The following THADA variants were observed in gnomAD, a reference collection of about 807,000 sequenced individuals.
THADA encodes THADA armadillo repeat containing, also known as tRNA (32-2'-O)-methyltransferase regulator THADA.
Under a neutral mutation model 219.8 loss-of-function variants are expected in THADA, and 213 were observed. The observed-to-expected ratio is 0.97, with a 90% CI of 0.87 to 1.09. The LOEUF (loss-of-function observed/expected upper bound fraction) is 1.09. Among genes scored for constraint, THADA ranks in the 50% least tolerant of loss-of-function variants. The probability of loss-of-function intolerance (pLI) is 0.00; values close to 1 mark genes in which losing one functional copy is unlikely to be tolerated. For missense variants in THADA, 2,956 were observed against 2,311.3 expected (o/e 1.28, Z -5.72); for synonymous variants, 1,018 against 828.9 (o/e 1.23, Z -3.92).
chr2:43,291,735 A>C lies in THADA; in HGVS notation c.4971T>G (p.Ala1657=). ...GCATGTGGTGGGAAATGACTTTGGA[A>C]GCAAGTCTCAGAGCTACACTCTGAA... is the stretch of plus-strand genomic sequence containing the variant. The part of the protein sequence containing the change: ...SEIQSVALRL[A]SKVISHHMQT... The change falls in exon 34 of 38, where the codon GCT becomes GCG. Residue 1657 remains alanine, a synonymous_variant. Transcript: ENST00000405975. 1 of 1,556,398 alleles carries C rather than the reference A, an allele frequency of 6.4e-7. No individual in the cohort carries two copies. Among genetic ancestry groups the C allele is most frequent in the Non-Finnish European group, 8.7e-7 (1 of 1,148,542 alleles).
intron 25 of THADA, among the ~76,000 whole-genome samples, chr2:43,495,165 T>G (rs1226443091): frequency 6.6e-6 from 1 of 152,226 alleles, no homozygotes; most frequent in Non-Finnish European, 1.5e-5. Context: ...TGTAAGTGAA[T>G]ACTTCTTCAC....
At chr2:43,260,330 A>AT (rs1185205909) in intron 36 of THADA, among the ~76,000 whole-genome samples, 2 of 152,058 alleles carry the variant, frequency 1.3e-5, no homozygotes, top group African/African-American at 2.4e-5. Flanking sequence ...GAGGATGAGC[A>AT]TTTTTTTCAT....
intron 35 of THADA, among the ~76,000 whole-genome samples, chr2:43,283,642 T>C: frequency 6.6e-6 from 1 of 152,184 alleles, no homozygotes; most frequent in East Asian, 1.9e-4. Context: ...TGTGGAACTT[T>C]GAACTTGAGA....
At chr2:43,314,560 A>G (rs1040334314) in intron 31 of THADA, among the ~76,000 whole-genome samples, 7 of 152,216 alleles carry the variant, frequency 4.6e-5, no homozygotes, top group Non-Finnish European at 1.0e-4. Flanking sequence ...GTATTTCTGT[A>G]AACAGAAATT....
At chr2:43,515,086 A>T (rs1231407368) in intron 22 of THADA, among the ~76,000 whole-genome samples, 1 of 8,180 alleles carries the variant, frequency 1.2e-4, no homozygotes, top group Non-Finnish European at 2.2e-4. Flanking sequence ...ATATATATAA[A>T]TATATATATT....
At chr2:43,377,990 G>A (rs922945380) in intron 29 of THADA, among the ~76,000 whole-genome samples, 1 of 152,138 alleles carries the variant, frequency 6.6e-6, no homozygotes, top group Non-Finnish European at 1.5e-5. Flanking sequence ...CTCAATTTGG[G>A]TTTGTATAGT....
intron 26 of THADA, among the ~76,000 whole-genome samples, chr2:43,479,765 T>G (rs2104992941): frequency 1.3e-5 from 2 of 149,350 alleles, no homozygotes; most frequent in Middle Eastern, 6.9e-3. Flanking sequence ...TGAGCCTTGC[T>G]CCTCTCCTCC....
chr2:43,345,970 A>C (rs1667585926), intron 29 of THADA, among the ~76,000 whole-genome samples: 1 of 152,202 alleles, frequency 6.6e-6, no homozygotes. Flanking sequence ...TGGTTTATGA[A>C]AATCAGCCTA....
chr2:43,255,245 T>C (rs964974742), intron 36 of THADA, among the ~76,000 whole-genome samples: 11 of 152,230 alleles, frequency 7.2e-5, no homozygotes, highest in Non-Finnish European at 1.6e-4. Flanking sequence ...TATATACACA[T>C]ATAAATATCC....
intron 36 of THADA, among the ~76,000 whole-genome samples, 153 bp downstream of exon 36, chr2:43,279,612 C>T (rs1228248624): frequency 6.6e-6 from 1 of 152,154 alleles, no homozygotes; most frequent in Admixed American, 6.6e-5. Context: ...ATTTGTTTAC[C>T]TACTGTTTGT....
At chr2:43,556,662 A>C in intron 16 of THADA, 107 bp from the exon 17 acceptor site, 2 of 1,033,082 alleles carry the variant, frequency 1.9e-6, no homozygotes, top group Non-Finnish European at 2.8e-6. Flanking sequence ...AGTGGGCTCG[A>C]GCCTAGAGTC....
chr2:43,423,266 C>T (rs1677958305), intron 28 of THADA, among the ~76,000 whole-genome samples: 1 of 152,042 alleles, frequency 6.6e-6, no homozygotes, highest in Non-Finnish European at 1.5e-5. Context: ...TACTTTTAGC[C>T]ATTAACAGCA....
intron 36 of THADA, among the ~76,000 whole-genome samples, chr2:43,274,832 A>G (rs1261033583): frequency 6.6e-6 from 1 of 152,006 alleles, no homozygotes. Context: ...AAGGTCTTAC[A>G]TATTTTCTTT....
At position 43,551,889 on chromosome 2, in the gene THADA, T is replaced by C. The variant is rs1336453574; in HGVS notation, c.2847A>G (p.Val949=). 7 of 1,613,898 alleles carry C rather than the reference T, an allele frequency of 4.3e-6. No homozygotes were observed. Among genetic ancestry groups the C allele is most frequent in the African/African-American group, 1.3e-5 (1 of 75,046 alleles). ...LQLVSEWRPV[V]EKLLLMSYRL... ...TGTAGGACATCAAAAGGAGCTTCTC[T>C]ACCACAGGTCTCCACTCGCTCACCA... The change falls in exon 19 of 38, where the codon GTA becomes GTG. Residue 949 remains valine (V), a synonymous_variant. Coordinates refer to ENST00000405975, the MANE Select transcript of THADA (RefSeq NM_022065.5).
At chr2:43,538,574 T>C (rs1694901431) in intron 21 of THADA, 2 of 152,070 alleles carry the variant, frequency 1.3e-5, no homozygotes, top group African/African-American at 4.8e-5. Flanking sequence ...TACCTGGATA[T>C]GGGAAATACA....
At chr2:43,315,095 C>G (rs1205506820) in intron 31 of THADA, among the ~76,000 whole-genome samples, 1 of 152,190 alleles carries the variant, frequency 6.6e-6, no homozygotes, top group Non-Finnish European at 1.5e-5. Flanking sequence ...CAGAATAGGA[C>G]TGGAGAGGGG....
chr2:43,559,146 G>C (rs1697753837), intron 16 of THADA, among the ~76,000 whole-genome samples: 1 of 152,190 alleles, frequency 6.6e-6, no homozygotes, highest in African/African-American at 2.4e-5. Flanking sequence ...GTGGCAGACA[G>C]AGGAAGAGAA....
At chr2:43,493,578 A>G (rs1687917037) in intron 25 of THADA, among the ~76,000 whole-genome samples, 1 of 152,158 alleles carries the variant, frequency 6.6e-6, no homozygotes, top group Admixed American at 6.5e-5. Context: ...CCACTGGGAA[A>G]GCCGAGAATT....
At chr2:43,593,735 G>T (rs1207593447) in intron 1 of THADA, among the ~76,000 whole-genome samples, 1 of 151,784 alleles carries the variant, frequency 6.6e-6, no homozygotes, top group East Asian at 1.9e-4. Flanking sequence ...CTGGGTTCAG[G>T]CCATTCTCCT....
Sources: gnomAD v4.1 joint callset for allele counts (sites outside exome capture counted in the v4.1 genomes callset) on GRCh38, gnomAD v4.1.1 for gene constraint, MANE v1.5 for transcripts, NCBI Gene and HGNC (gene_info 2026-07-23, HGNC 2026-07-21) for gene names.